Variants in NUBPL observed in about 807,000 individuals in gnomAD.
NUBPL encodes the protein NUBP iron-sulfur cluster assembly factor, mitochondrial, also known as iron-sulfur cluster transfer protein NUBPL.
A neutral mutation model predicts 45.7 loss-of-function variants in NUBPL; 31 were observed. The ratio of observed to expected loss-of-function variants is 0.68; its 90% CI spans 0.51 to 0.92. The LOEUF is 0.92. NUBPL is among the 40% of genes least tolerant of loss of function. The pLI, the probability that NUBPL is intolerant of heterozygous loss-of-function variation, is 0.00. For synonymous variants in NUBPL, 144 were observed against 140.9 expected (o/e 1.02, Z -0.15); for missense variants, 401 against 398.7 (o/e 1.01, Z -0.05).
rs535644409 is a variant in NUBPL at position 31,859,102 on chromosome 14, G to C, written c.898-16G>C. The C allele has an allele frequency of 1.2e-6, 2 of 1,609,220 alleles. No individual in the cohort carries two copies. The highest frequency in any genetic ancestry group is 3.3e-5 in the Admixed American group (2 of 59,982). On this transcript the variant is annotated splice_polypyrimidine_tract_variant and intron_variant, in intron 10 of 10. Transcript: ENST00000281081. ...CTGAAGAGAAATACAGAACAAATAA[G>C]TTTGTTCTTTTCCAGGCCAAAGCTT...
intron 4 of NUBPL, among the ~76,000 whole-genome samples, chr14:31,666,263 A>ATTTATTTATT: frequency 7.2e-5 from 8 of 111,872 alleles, no homozygotes; most frequent in East Asian, 3.4e-4. Flanking sequence ...ATATATATAT[A>ATTTATTTATT]ATTTTATTTT....
chr14:31,694,804 G>C (rs896132592), intron 6 of NUBPL, among the ~76,000 whole-genome samples: 3 of 152,202 alleles, frequency 2.0e-5, no homozygotes, highest in Admixed American at 6.5e-5. Flanking sequence ...GTGAGCCTCT[G>C]CACGCAGCCA....
At chr14:31,737,989 G>A (rs1367533634) in intron 6 of NUBPL, among the ~76,000 whole-genome samples, 1 of 152,124 alleles carries the variant, frequency 6.6e-6, no homozygotes, top group African/African-American at 2.4e-5. Flanking sequence ...AGAAATAAAA[G>A]TAATGGTTCA....
intron 7 of NUBPL, among the ~76,000 whole-genome samples, chr14:31,791,355 A>G (rs1022972265): frequency 1.3e-5 from 2 of 152,232 alleles, no homozygotes; most frequent in South Asian, 2.1e-4. Context: ...CATTATATCA[A>G]TAAATTTTGA....
At chr14:31,572,620 G>A (rs1190724795) in intron 3 of NUBPL, among the ~76,000 whole-genome samples, 1 of 152,160 alleles carries the variant, frequency 6.6e-6, no homozygotes, top group Non-Finnish European at 1.5e-5. Context: ...GTGAGAAGTG[G>A]TATGGGATGG....
intron 4 of NUBPL, among the ~76,000 whole-genome samples, chr14:31,614,358 T>G (rs1407196405): frequency 6.6e-6 from 1 of 152,154 alleles, no homozygotes; most frequent in East Asian, 1.9e-4. Context: ...AAGTACTGAG[T>G]TTAGACAGCT....
intron 7 of NUBPL, among the ~76,000 whole-genome samples, chr14:31,792,329 C>G (rs376143646): frequency 5.3e-5 from 8 of 152,140 alleles, no homozygotes; most frequent in African/African-American, 1.9e-4. Flanking sequence ...TTACTACATT[C>G]AGTAATTTTT....
At chr14:31,650,905 G>A (rs577947405) in intron 4 of NUBPL, among the ~76,000 whole-genome samples, 2 of 152,204 alleles carry the variant, frequency 1.3e-5, no homozygotes, top group South Asian at 4.2e-4. Flanking sequence ...GAATCAAGGA[G>A]GGCAGCAAGG....
chr14:31,566,502 A>G (rs1436946223), intron 3 of NUBPL, among the ~76,000 whole-genome samples: 1 of 152,026 alleles, frequency 6.6e-6, no homozygotes, highest in Admixed American at 6.6e-5. Context: ...ACCTACTTTC[A>G]TGTATCCCAT....
chr14:31,836,083 G>A (rs577558562), intron 8 of NUBPL, among the ~76,000 whole-genome samples: 121 of 152,208 alleles, frequency 7.9e-4, no homozygotes, highest in African/African-American at 2.7e-3. Flanking sequence ...AGCCTTTTGG[G>A]CCTCCTTAAT....
chr14:31,635,571 G>A (rs1400737961), intron 4 of NUBPL, among the ~76,000 whole-genome samples: 5 of 151,898 alleles, frequency 3.3e-5, no homozygotes, highest in South Asian at 4.2e-4. Context: ...TTGGCGATGT[G>A]GGCTCTTTTT....
At chr14:31,843,095 G>A (rs571493094) in intron 8 of NUBPL, among the ~76,000 whole-genome samples, 27 of 152,192 alleles carry the variant, frequency 1.8e-4, no homozygotes, top group African/African-American at 5.1e-4. Context: ...GTATTGCATC[G>A]TTCTCTGTAT....
chr14:31,793,828 C>CTTTTTTTTT (rs55698198), intron 7 of NUBPL, among the ~76,000 whole-genome samples: 83 of 127,462 alleles, frequency 6.5e-4, no homozygotes, highest in Non-Finnish European at 9.1e-4. Flanking sequence ...CCTTATCTTT[C>CTTTTTTTTT]TTTTTTTTTT....
rs539773241 is a variant in NUBPL, at chr14:31,673,232, C to T, written c.383-123C>T. 2.5e-4 allele frequency: 187 copies of T among 740,658 alleles called. 2 individuals are homozygous for T. Among genetic ancestry groups the T allele is most frequent in the South Asian group, 2.4e-3 (138 of 57,844 alleles). The allele number at this position is 740,658 out of a possible 1,614,324, so 45.9% of individuals were successfully genotyped here. A position where few individuals can be genotyped will look rare whatever the true frequency, so the allele number is the denominator to read the frequency against. On this transcript the variant is annotated intron_variant, in intron 4 of 10. Coordinates refer to ENST00000281081, the MANE Select transcript of NUBPL (RefSeq NM_025152.3). ...TGTATCATAACATTACGTTGTACCC[C>T]GTAAACATATGCAATTTTTGTTAAT...
In NUBPL at chr14:31,853,745, A is replaced by G. The variant is rs1429073208; in HGVS notation, c.897+3544A>G. On this transcript the variant is annotated intron_variant, in intron 10 of 10. Coordinates refer to ENST00000281081, the MANE Select transcript of NUBPL (RefSeq NM_025152.3). Reference sequence around the variant, plus strand: ...TGGGCAAAACCTTCTGCACATGTACACCACTTAGGAAAGGCAAGTAAGACT... The same window carrying G: ...TGGGCAAAACCTTCTGCACATGTACGCCACTTAGGAAAGGCAAGTAAGACT... Among the ~76,000 whole-genome samples, 6 of 152,210 alleles carry G rather than the reference A, an allele frequency of 3.9e-5. No homozygotes were observed. The East Asian group carries it at 1.2e-3, about 29-fold the overall frequency.
intron 7 of NUBPL, among the ~76,000 whole-genome samples, chr14:31,798,039 C>A (rs913781997): frequency 1.3e-5 from 2 of 149,780 alleles, no homozygotes; most frequent in African/African-American, 5.0e-5. Flanking sequence ...AAATTCTTTT[C>A]TTTAAGAATG....
intron 6 of NUBPL, among the ~76,000 whole-genome samples, chr14:31,777,774 C>T (rs2039122831): frequency 6.6e-6 from 1 of 152,170 alleles, no homozygotes; most frequent in African/African-American, 2.4e-5. Flanking sequence ...TACCCAGATA[C>T]AGCAGCAAGT....
intron 6 of NUBPL, among the ~76,000 whole-genome samples, chr14:31,696,925 C>T (rs2037227087): frequency 6.6e-6 from 1 of 152,088 alleles, no homozygotes; most frequent in Admixed American, 6.5e-5. Flanking sequence ...TTGTCTAACT[C>T]CAGGCCTGAA....
At chr14:31,564,040 G>A (rs2033369598) in intron 2 of NUBPL, among the ~76,000 whole-genome samples, 1 of 152,188 alleles carries the variant, frequency 6.6e-6, no homozygotes, top group African/African-American at 2.4e-5. Context: ...AACCAGGTCT[G>A]CCTTAAAAAT....
Sources: gnomAD v4.1 joint callset for allele counts (sites outside exome capture counted in the v4.1 genomes callset) on GRCh38, gnomAD v4.1.1 for gene constraint, MANE v1.5 for transcripts, NCBI Gene and HGNC (gene_info 2026-07-23, HGNC 2026-07-21) for gene names.